The following NTRK2 variants were observed in gnomAD, a reference collection of about 807,000 sequenced individuals.
NTRK2 encodes neurotrophic receptor tyrosine kinase 2.
In NTRK2, 13 loss-of-function variants were observed where a neutral mutation model predicts 94.5. The observed-to-expected ratio is 0.14, with a 90% CI of 0.09 to 0.22. NTRK2 has a LOEUF of 0.22. Among genes scored for constraint, NTRK2 ranks in the 10% least tolerant of loss-of-function variants. The pLI is 1.00. For missense variants in NTRK2, 639 were observed against 1,071.2 expected, an observed-to-expected ratio of 0.60 and a Z score of 5.63; for synonymous variants, 372 against 407.4, an observed-to-expected ratio of 0.91 and a Z score of 1.05.
intron 12 of NTRK2, among the ~76,000 whole-genome samples, chr9:84,797,627 T>C (rs1278492595): frequency 5.1e-5 from 3 of 59,210 alleles, no homozygotes; most frequent in East Asian, 4.2e-4. Context: ...ATACTATATA[T>C]TATATATTAT....
At chr9:84,748,347 A>C (rs926316776) in intron 11 of NTRK2, among the ~76,000 whole-genome samples, 17 of 152,376 alleles carry the variant, frequency 1.1e-4, no homozygotes, top group African/African-American at 3.8e-4. Context: ...GAATGGCTTC[A>C]GTAGCTTTAA....
At chr9:84,771,157 C>G (rs2066507069) in intron 12 of NTRK2, among the ~76,000 whole-genome samples, 1 of 152,156 alleles carries the variant, frequency 6.6e-6, no homozygotes, top group Non-Finnish European at 1.5e-5. Context: ...TTGACAGAAT[C>G]TGGGTGGTTC....
At chr9:84,983,759 G>A (rs1827945667) in intron 17 of NTRK2, among the ~76,000 whole-genome samples, 1 of 152,152 alleles carries the variant, frequency 6.6e-6, no homozygotes, top group South Asian at 2.1e-4. Context: ...CAAATTACAT[G>A]ATTTGAATGG....
intron 14 of NTRK2, among the ~76,000 whole-genome samples, chr9:84,931,149 G>A (rs1361571661): frequency 1.3e-5 from 2 of 152,198 alleles, no homozygotes; most frequent in East Asian, 1.9e-4. Context: ...GCTCACACCT[G>A]TAATCCCAGC....
intron 12 of NTRK2, among the ~76,000 whole-genome samples, chr9:84,791,621 T>C (rs2133211215): frequency 6.6e-6 from 1 of 152,358 alleles, no homozygotes; most frequent in South Asian, 2.1e-4. Context: ...AAATATTTTC[T>C]TGACCACAGT....
chr9:84,695,416 G>A (rs570217506), intron 2 of NTRK2, among the ~76,000 whole-genome samples: 1 of 152,298 alleles, frequency 6.6e-6, no homozygotes, highest in African/African-American at 2.4e-5. Context: ...AATGTAATGA[G>A]GACCCTTTCC....
chr9:84,793,584 T>C (rs2068955626), intron 12 of NTRK2, among the ~76,000 whole-genome samples: 1 of 152,340 alleles, frequency 6.6e-6, no homozygotes, highest in Non-Finnish European at 1.5e-5. Flanking sequence ...CAAACACAGA[T>C]GATAATTTTA....
At chr9:84,919,037 C>T (rs182156526) in intron 14 of NTRK2, among the ~76,000 whole-genome samples, 1 of 152,258 alleles carries the variant, frequency 6.6e-6, no homozygotes, top group Non-Finnish European at 1.5e-5. Context: ...ATGGTCTGGT[C>T]CCCTATCTAC....
chr9:84,742,827 G>A (rs961608335), intron 10 of NTRK2, among the ~76,000 whole-genome samples: 3 of 117,704 alleles, frequency 2.5e-5, no homozygotes, highest in African/African-American at 1.0e-4. Context: ...CCGAGACGGA[G>A]TCTCACTTTG....
intron 15 of NTRK2, among the ~76,000 whole-genome samples, chr9:84,941,529 T>C (rs1394514389): frequency 6.6e-6 from 1 of 152,206 alleles, no homozygotes; most frequent in Non-Finnish European, 1.5e-5. Context: ...CATTTCACAC[T>C]TTTGTATCTC....
rs554073269 is a variant in NTRK2, at chr9:84,974,761, G to A, written c.2172+19244G>A. Reference sequence around the variant, plus strand: ...GTTTCCACCTTTGTAGGTCCCCTTAGAACTTCCAAGTGGAGGTGCATGTCT... The same window carrying A: ...GTTTCCACCTTTGTAGGTCCCCTTAAAACTTCCAAGTGGAGGTGCATGTCT... On this transcript the variant is annotated intron_variant, in intron 17 of 18. Coordinates refer to ENST00000277120, the MANE Select transcript of NTRK2 (RefSeq NM_006180.6). Among the ~76,000 whole-genome samples the A allele has an allele frequency of 2.1e-4, 32 of 152,246 alleles. No homozygotes were observed. The South Asian group carries it at 6.4e-3, about 31-fold the overall frequency.
chr9:84,910,715 T>G (rs1222628672), intron 14 of NTRK2, among the ~76,000 whole-genome samples: 1 of 152,216 alleles, frequency 6.6e-6, no homozygotes, highest in African/African-American at 2.4e-5. Flanking sequence ...GTTTGGGTTC[T>G]CTCTTCTGTT....
At chr9:84,967,394 C>T (rs142032551) in intron 17 of NTRK2, among the ~76,000 whole-genome samples, 6 of 152,332 alleles carry the variant, frequency 3.9e-5, no homozygotes, top group African/African-American at 1.4e-4. Context: ...AGGCCCTACG[C>T]AGGAAATGCA....
intron 6 of NTRK2, among the ~76,000 whole-genome samples, chr9:84,712,205 T>C (rs1157001034): frequency 6.6e-6 from 1 of 152,188 alleles, no homozygotes; most frequent in Non-Finnish European, 1.5e-5. Flanking sequence ...ACGTCTGCTT[T>C]GTCCTTGCCT....
At chr9:85,019,236 G>A (rs1832566928) in intron 17 of NTRK2, among the ~76,000 whole-genome samples, 1 of 152,180 alleles carries the variant, frequency 6.6e-6, no homozygotes, top group Non-Finnish European at 1.5e-5. Context: ...AGAGTTGTTA[G>A]AGAGGTCCAA....
chr9:85,020,717 T>C (rs1012359277), intron 18 of NTRK2, among the ~76,000 whole-genome samples: 3 of 152,200 alleles, frequency 2.0e-5, no homozygotes, highest in African/African-American at 7.2e-5. Context: ...CAAGATTCTT[T>C]CCTTTTTGAA....
At chr9:84,875,350 T>A in intron 14 of NTRK2, 1 of 1,060,756 alleles carries the variant, frequency 9.4e-7, no homozygotes, top group African/African-American at 1.6e-5. Flanking sequence ...CGTCAGACTC[T>A]CATATGGTAA....
At chr9:85,020,659 G>A (rs544887174) in intron 18 of NTRK2, among the ~76,000 whole-genome samples, 2 of 152,200 alleles carry the variant, frequency 1.3e-5, no homozygotes, top group Non-Finnish European at 2.9e-5. Context: ...TAGCATTCCA[G>A]AATCCATACA....
chr9:84,811,905 C>A, intron 12 of NTRK2: 1 of 1,049,782 alleles, frequency 9.5e-7, no homozygotes, highest in Non-Finnish European at 1.2e-6. Context: ...GTTTGGCTAT[C>A]CCCACCCCAC....
Sources: allele counts gnomAD v4.1 joint callset (sites outside exome capture counted in the v4.1 genomes callset), GRCh38; gene constraint gnomAD v4.1.1; transcripts MANE v1.5; gene names NCBI Gene and HGNC (gene_info 2026-07-23, HGNC 2026-07-21).